The following ROBO2 variants were observed in gnomAD, a reference collection of about 807,000 sequenced individuals.
ROBO2 encodes roundabout guidance receptor 2.
Under a neutral mutation model 160.8 loss-of-function variants are expected in ROBO2, and 53 were observed. The observed-to-expected ratio is 0.33, with a 90% CI of 0.26 to 0.41. ROBO2 has a LOEUF of 0.41. ROBO2 is among the 10% of genes least tolerant of loss of function. The pLI, the probability that ROBO2 is intolerant of heterozygous loss-of-function variation, is 1.00. For missense variants in ROBO2, 1,577 were observed against 1,722.4 expected, an observed-to-expected ratio of 0.92 and a Z score of 1.49; for synonymous variants, 664 against 611.7, an observed-to-expected ratio of 1.09 and a Z score of -1.26.
intron 2 of ROBO2, among the ~76,000 whole-genome samples, chr3:77,302,181 A>T (rs2062719663): frequency 6.6e-6 from 1 of 151,800 alleles, no homozygotes; most frequent in Non-Finnish European, 1.5e-5. Flanking sequence ...GCCTTAAATG[A>T]TCCTCCTGCC....
At chr3:77,514,453 T>C (rs935627573) in intron 5 of ROBO2, among the ~76,000 whole-genome samples, 11 of 151,760 alleles carry the variant, frequency 7.2e-5, no homozygotes, top group African/African-American at 2.7e-4. Context: ...CCAATGCAAA[T>C]GCACACAGAG....
chr3:77,493,468 C>A, intron 5 of ROBO2, 86 bp downstream of exon 5: 1 of 1,394,506 alleles, frequency 7.2e-7, no homozygotes, highest in Non-Finnish European at 1.0e-6. Flanking sequence ...CACCACCAAA[C>A]ACTCCTATGT....
chr3:76,148,192 A>G (rs570482344), intron 2 of ROBO2, among the ~76,000 whole-genome samples: 2 of 152,102 alleles, frequency 1.3e-5, no homozygotes, highest in East Asian at 3.9e-4. Flanking sequence ...AACTGAGAGG[A>G]TGGAAGGAAT....
intron 2 of ROBO2, among the ~76,000 whole-genome samples, chr3:77,469,382 T>C (rs945891183): frequency 6.6e-6 from 1 of 151,690 alleles, no homozygotes; most frequent in African/African-American, 2.4e-5. Context: ...CAGGAAGAGA[T>C]AGGGTGCTTT....
At chr3:76,721,477 C>T (rs1040555052) in intron 2 of ROBO2, among the ~76,000 whole-genome samples, 5 of 152,110 alleles carry the variant, frequency 3.3e-5, no homozygotes, top group African/African-American at 1.2e-4. Flanking sequence ...TTATTAAGTT[C>T]CTTAACTATA....
chr3:76,078,689 A>G (rs575744435), intron 2 of ROBO2, among the ~76,000 whole-genome samples: 1 of 152,270 alleles, frequency 6.6e-6, no homozygotes, highest in Admixed American at 6.5e-5. Context: ...TTAAAGAACA[A>G]TATCAAATTG....
intron 2 of ROBO2, among the ~76,000 whole-genome samples, chr3:75,979,838 T>C (rs535014683): frequency 6.6e-6 from 1 of 151,760 alleles, no homozygotes; most frequent in South Asian, 2.1e-4. Flanking sequence ...AATGTTGATA[T>C]CCTTTAATCC....
At chr3:76,306,803 T>G (rs1400668711) in intron 2 of ROBO2, among the ~76,000 whole-genome samples, 1 of 152,354 alleles carries the variant, frequency 6.6e-6, no homozygotes, top group Non-Finnish European at 1.5e-5. Context: ...ATAAGAAACC[T>G]TAAAGTTTAT....
intron 16 of ROBO2, among the ~76,000 whole-genome samples, chr3:77,580,538 T>G (rs1157331280): frequency 1.3e-5 from 2 of 152,254 alleles, no homozygotes; most frequent in East Asian, 3.9e-4. Flanking sequence ...CTTTGTAATC[T>G]AAATATACCA....
intron 2 of ROBO2, among the ~76,000 whole-genome samples, chr3:77,456,967 G>A (rs150357070): frequency 6.6e-6 from 1 of 152,238 alleles, no homozygotes; most frequent in East Asian, 1.9e-4. Flanking sequence ...TCTGTCTCAA[G>A]GGTACCAAAG....
Position 76,484,312 on chromosome 3 carries a change from T to A in ROBO2, c.109+546710T>A, listed in dbSNP as rs1391492925. On this transcript the variant is annotated intron_variant, in intron 2 of 26. Coordinates refer to the ROBO2 transcript ENST00000487694. ...GGGAAAAATGGTTGGTAGGGCTACA[T>A]CTTCTTCTTAATGTAAAATATATGT... Among the ~76,000 whole-genome samples the A allele has an allele frequency of 3.9e-5, 6 of 152,216 alleles. No homozygotes were observed. In the East Asian group the frequency reaches 1.2e-3, roughly 29 times the overall value.
intron 2 of ROBO2, among the ~76,000 whole-genome samples, chr3:76,440,249 TA>T (rs1577201218): frequency 1.3e-5 from 2 of 152,174 alleles, no homozygotes; most frequent in East Asian, 1.9e-4. Context: ...TTTTTTATTT[TA>T]TTTTTTTTTT....
rs79332613 is a variant in ROBO2, at chr3:77,425,082, G to C, written c.389-52332G>C. 3.9e-3 allele frequency among the ~76,000 whole-genome samples: 588 copies of C among 151,958 alleles called. 4 individuals are homozygous for C. Among genetic ancestry groups the C allele is most frequent in the African/African-American group, 0.012 (498 of 41,440 alleles). On this transcript the variant is annotated intron_variant, in intron 2 of 25. Transcript: ENST00000461745. The stretch of plus-strand genomic sequence containing the variant: ...CCCATGGCTAATATTTGAGTGAAAG[G>C]CAAATTGGTAAATATTTTCTCTATT...
intron 2 of ROBO2, among the ~76,000 whole-genome samples, chr3:77,438,842 T>C (rs1209202375): frequency 3.9e-5 from 6 of 152,106 alleles, no homozygotes; most frequent in Admixed American, 6.6e-5. Context: ...TTGTGGATGA[T>C]GTGTTACTAA....
At chr3:77,558,036 A>G (rs760823029) in exon 9 of ROBO2, 11 of 1,613,272 alleles carry the variant, frequency 6.8e-6, no homozygotes, top group South Asian at 1.1e-5. Context: ...ATGTAAAGCC[A>G]CTGGTGATCC....
chr3:77,621,955 T>C (rs2094910435), intron 22 of ROBO2, among the ~76,000 whole-genome samples: 1 of 152,082 alleles, frequency 6.6e-6, no homozygotes, highest in Admixed American at 6.6e-5. Flanking sequence ...CTAGATAACT[T>C]CTTTTCACAA....
rs1458282789 is a variant in ROBO2 at position 76,714,098 on chromosome 3, T to G, written c.110-383916T>G. The stretch of plus-strand genomic sequence containing the variant: ...AAGTCTTTTAATACCTGTAGGTTTA[T>G]TTTTGTTTTGTTTGATAGTATGAAA... On this transcript the variant is annotated intron_variant, in intron 2 of 26. Coordinates refer to the ROBO2 transcript ENST00000487694. Among the ~76,000 whole-genome samples the G allele has an allele frequency of 2.6e-5, 4 of 152,172 alleles. No homozygotes were observed. The East Asian group carries it at 7.7e-4, about 29-fold the overall frequency.
At chr3:76,817,513 A>T (rs770461957) in intron 2 of ROBO2, among the ~76,000 whole-genome samples, 4 of 152,024 alleles carry the variant, frequency 2.6e-5, no homozygotes, top group Non-Finnish European at 4.4e-5. Context: ...TTTTATTTCA[A>T]TAGGTTTTTG....
rs1578621790 is a variant in ROBO2, at chr3:76,622,237, A to AAGAAAGAAAGAAAGAAG, written c.110-475777_110-475776insAGAAAGAAAGAAAGAAG. 1.3e-3 allele frequency among the ~76,000 whole-genome samples: 54 copies of AAGAAAGAAAGAAAGAAG among 40,226 alleles called. 1 individual carries two copies. Among genetic ancestry groups the AAGAAAGAAAGAAAGAAG allele is most frequent in the Admixed American group, 2.9e-3 (11 of 3,806 alleles). 26.4% of individuals were successfully genotyped at this position (40,226 alleles called of 152,430 possible). A position where few individuals can be genotyped will look rare whatever the true frequency, so the allele number is the denominator to read the frequency against. ...AAGGAAGGAAGGAAGGAAGGAAGGAAGAAAGAAAGAAAGAAAGAAAGAAAG... is the reference window on the plus strand; with the variant it reads ...AAGGAAGGAAGGAAGGAAGGAAGGAAAGAAAGAAAGAAAGAAGGAAAGAAAGAAAGAAAGAAAGAAAG... On this transcript the variant is annotated intron_variant, in intron 2 of 26. Coordinates refer to the ROBO2 transcript ENST00000487694.
Sources: allele counts gnomAD v4.1 joint callset (sites outside exome capture counted in the v4.1 genomes callset), GRCh38; gene constraint gnomAD v4.1.1; transcripts MANE v1.5; gene names NCBI Gene and HGNC (gene_info 2026-07-23, HGNC 2026-07-21).